The following CNBD1 variants were observed in gnomAD, a reference collection of about 807,000 sequenced individuals.
CNBD1 encodes the protein cyclic nucleotide binding domain containing 1.
A neutral mutation model predicts 54.4 loss-of-function variants in CNBD1; 71 were observed. That is an observed-to-expected ratio of 1.30 (90% CI 1.08 to 1.59). The LOEUF is 1.59. Among genes scored for constraint, CNBD1 ranks in the 40% most tolerant of loss-of-function variants. The pLI is 0.00. For synonymous variants in CNBD1, 182 were observed against 170.7 expected (o/e 1.07, Z -0.51); for missense variants, 659 against 518.0 (o/e 1.27, Z -2.64).
chr8:87,015,977 CAAAAAAAA>C (rs58453987), intron 4 of CNBD1, among the ~76,000 whole-genome samples: 2 of 55,968 alleles, frequency 3.6e-5, no homozygotes, highest in African/African-American at 6.9e-5. Flanking sequence ...GAATCCGTCT[CAAAAAAAA>C]AAAAAAAAAA....
intron 3 of CNBD1, among the ~76,000 whole-genome samples, chr8:86,932,017 C>T (rs1206145038): frequency 6.6e-6 from 1 of 152,198 alleles, no homozygotes; most frequent in Non-Finnish European, 1.5e-5. Context: ...GGGATCAATA[C>T]TGGGGACAGC....
intron 4 of CNBD1, among the ~76,000 whole-genome samples, chr8:86,975,324 C>A (rs1297202521): frequency 6.6e-6 from 1 of 151,928 alleles, no homozygotes; most frequent in African/African-American, 2.4e-5. Flanking sequence ...ACAACCAGAA[C>A]CTTCCTGTCT....
chr8:87,237,611 G>C lies in CNBD1; in HGVS notation c.771+499G>C, dbSNP rs192628490. On this transcript the variant is annotated intron_variant, in intron 6 of 10. Transcript: ENST00000518476. ...ATATAATATTTCAAGACTATTAGCT[G>C]GTCAAAAATTAAAAGTTCCATATCT... is the stretch of plus-strand genomic sequence containing the variant. Among the ~76,000 whole-genome samples, 409 of 152,182 alleles carry C rather than the reference G, an allele frequency of 2.7e-3. 2 individuals carry two copies. Among genetic ancestry groups the C allele is most frequent in the South Asian group, 8.3e-3 (40 of 4,834 alleles).
chr8:86,951,894 C>G (rs113828037), intron 4 of CNBD1, among the ~76,000 whole-genome samples: 22 of 152,094 alleles, frequency 1.4e-4, no homozygotes, highest in African/African-American at 5.1e-4. Context: ...CCACTGTATT[C>G]CTAAAAAAGA....
At chr8:87,339,547 G>C (rs1810023238) in intron 8 of CNBD1, among the ~76,000 whole-genome samples, 1 of 151,846 alleles carries the variant, frequency 6.6e-6, no homozygotes, top group Admixed American at 6.6e-5. Context: ...TCAGCATTTT[G>C]CTTGTTATTA....
chr8:87,327,979 A>C (rs116800069), intron 8 of CNBD1, among the ~76,000 whole-genome samples: 1 of 150,420 alleles, frequency 6.6e-6, no homozygotes, highest in Admixed American at 6.6e-5. Context: ...TTCTTTTTTT[A>C]AAAGTTTAGT....
intron 6 of CNBD1, among the ~76,000 whole-genome samples, chr8:87,282,910 T>C (rs564706336): frequency 1.3e-5 from 2 of 152,212 alleles, no homozygotes; most frequent in South Asian, 2.1e-4. Context: ...AGCAGGAATA[T>C]AAAAGCAAAT....
rs185089471 is a variant in CNBD1 at position 87,390,378 on chromosome 8, C to T, written c.213+36592C>T. ...ACAAAGGGCTAATATCCAGAATCTA[C>T]AATGAACTTAAACAAATTTACAAGA... On this transcript the variant is annotated intron_variant, in intron 2 of 7. Coordinates refer to the CNBD1 transcript ENST00000521593. 3.9e-3 allele frequency among the ~76,000 whole-genome samples: 590 copies of T among 152,206 alleles called. 8 individuals are homozygous for T. Among genetic ancestry groups the T allele is most frequent in the African/African-American group, 0.013 (556 of 41,528 alleles).
intron 2 of CNBD1, among the ~76,000 whole-genome samples, chr8:86,891,703 C>A (rs899952240): frequency 1.3e-5 from 2 of 152,018 alleles, no homozygotes; most frequent in Admixed American, 6.6e-5. Flanking sequence ...AATATTAATT[C>A]TTCTAATCAG....
chr8:87,413,955 T>A (rs530890472), intron 2 of CNBD1, among the ~76,000 whole-genome samples: 3 of 151,796 alleles, frequency 2.0e-5, no homozygotes, highest in South Asian at 2.1e-4. Flanking sequence ...ATTGTGGAAG[T>A]CAGTGTGGCG....
intron 4 of CNBD1, among the ~76,000 whole-genome samples, chr8:87,104,784 A>G (rs1318325263): frequency 1.3e-5 from 2 of 152,192 alleles, no homozygotes; most frequent in Non-Finnish European, 2.9e-5. Context: ...TATAAACACT[A>G]TTATGTGCCA....
At position 87,049,719 on chromosome 8, in the gene CNBD1, G is replaced by C. The variant is rs548802094; in HGVS notation, c.431+109965G>C. 3.3e-5 allele frequency among the ~76,000 whole-genome samples: 5 copies of C among 152,312 alleles called. No homozygotes were observed. The East Asian group carries it at 9.7e-4, about 29-fold the overall frequency. On this transcript the variant is annotated intron_variant, in intron 4 of 10. Coordinates refer to ENST00000518476, the MANE Select transcript of CNBD1 (RefSeq NM_173538.3). ...TTTAGGCAAGGGCACATTTTTAACTGAACTGCAGATCCTCTAGCAGCAAGG... is the reference window on the plus strand; with the variant it reads ...TTTAGGCAAGGGCACATTTTTAACTCAACTGCAGATCCTCTAGCAGCAAGG...
At chr8:87,405,143 T>C (rs774261239) in intron 2 of CNBD1, among the ~76,000 whole-genome samples, 21 of 152,036 alleles carry the variant, frequency 1.4e-4, no homozygotes, top group Non-Finnish European at 2.8e-4. Flanking sequence ...TACTCAACCA[T>C]TGTTACAAAA....
intron 2 of CNBD1, among the ~76,000 whole-genome samples, chr8:87,425,026 A>G (rs951670845): frequency 3.9e-5 from 6 of 151,934 alleles, no homozygotes; most frequent in Admixed American, 2.0e-4. Context: ...ATTTCTTTTT[A>G]TTCTTTTTTC....
At chr8:87,030,501 C>T (rs1433701295) in intron 4 of CNBD1, among the ~76,000 whole-genome samples, 1 of 152,072 alleles carries the variant, frequency 6.6e-6, no homozygotes, top group Non-Finnish European at 1.5e-5. Flanking sequence ...ATCACTTGCT[C>T]CTTTTCACTC....
intron 2 of CNBD1, among the ~76,000 whole-genome samples, chr8:87,422,726 C>T (rs531408344): frequency 6.6e-6 from 1 of 152,228 alleles, no homozygotes; most frequent in South Asian, 2.1e-4. Context: ...CAGCTTTGTT[C>T]TTTTGGCTTA....
intron 6 of CNBD1, among the ~76,000 whole-genome samples, chr8:87,272,653 C>T (rs566302052): frequency 6.6e-6 from 1 of 151,854 alleles, no homozygotes; most frequent in Admixed American, 6.6e-5. Flanking sequence ...TCAGAGCAGT[C>T]AATTTATACA....
intron 8 of CNBD1, among the ~76,000 whole-genome samples, chr8:87,305,441 A>G (rs1185048153): frequency 1.3e-5 from 2 of 152,198 alleles, no homozygotes; most frequent in East Asian, 3.9e-4. Context: ...AAGTGCCCAC[A>G]TAGCCAAAGC....
At chr8:87,383,023 C>A (rs1362876797), downstream of CNBD1, among the ~76,000 whole-genome samples, 3 of 151,776 alleles carry the variant, frequency 2.0e-5, no homozygotes, top group Non-Finnish European at 1.5e-5. Context: ...GATTGAGGAC[C>A]ACATGTGCCT....
Sources: allele counts gnomAD v4.1 joint callset (sites outside exome capture counted in the v4.1 genomes callset), GRCh38; gene constraint gnomAD v4.1.1; transcripts MANE v1.5; gene names NCBI Gene and HGNC (gene_info 2026-07-23, HGNC 2026-07-21).